KAZN: variants seen among roughly 807,000 people sequenced by gnomAD.
KAZN encodes the protein kazrin, periplakin interacting protein.
In KAZN, 40 loss-of-function variants were observed where a neutral mutation model predicts 87.4. That is an observed-to-expected ratio of 0.46 (90% CI 0.36 to 0.60). KAZN has a LOEUF of 0.60. Among genes scored for constraint, KAZN ranks in the 20% least tolerant of loss-of-function variants. KAZN has a pLI of 0.00. For synonymous variants in KAZN, 466 were observed against 458.3 expected, an observed-to-expected ratio of 1.02 and a Z score of -0.22; for missense variants, 898 against 1,073.9, an observed-to-expected ratio of 0.84 and a Z score of 2.29.
chr1:14,811,249 T>C (rs1449818683), intron 1 of KAZN, among the ~76,000 whole-genome samples: 2 of 144,774 alleles, frequency 1.4e-5, no homozygotes, highest in Non-Finnish European at 3.0e-5. Context: ...TTGTGGTATT[T>C]ATGTGTTTAT....
At position 14,106,176 on chromosome 1, in the gene KAZN, A is replaced by G. The variant is rs1301803535; in HGVS notation, c.92-74259A>G. On this transcript the variant is annotated intron_variant, in intron 1 of 16. Coordinates refer to the KAZN transcript ENST00000636203. Reference sequence around the variant, plus strand: ...CAGGCAGAAAATACCTACACTCTCCATGTTTGGAAATCCAAGGTGTATCTG... The same window carrying G: ...CAGGCAGAAAATACCTACACTCTCCGTGTTTGGAAATCCAAGGTGTATCTG... Among the ~76,000 whole-genome samples, 3 of 152,156 alleles carry G rather than the reference A, an allele frequency of 2.0e-5. No individual in the cohort carries two copies. The East Asian group carries it at 5.8e-4, about 29-fold the overall frequency.
intron 2 of KAZN, among the ~76,000 whole-genome samples, chr1:14,363,892 G>A (rs1193605979): frequency 3.3e-5 from 5 of 151,866 alleles, no homozygotes; most frequent in African/African-American, 7.3e-5. Flanking sequence ...CACCATAAAC[G>A]GTTGTGTATT....
chr1:14,504,452 C>T (rs751613120), intron 2 of KAZN, among the ~76,000 whole-genome samples: 1 of 152,188 alleles, frequency 6.6e-6, no homozygotes, highest in African/African-American at 2.4e-5. Flanking sequence ...GAGAAAGAAG[C>T]TACTGAGTAA....
At chr1:14,528,157 G>A (rs1237600955) in intron 2 of KAZN, among the ~76,000 whole-genome samples, 1 of 151,656 alleles carries the variant, frequency 6.6e-6, no homozygotes, top group Non-Finnish European at 1.5e-5. Context: ...GGCCAACATG[G>A]TGAAACTTCA....
chr1:15,082,841 T>C (rs938669728), intron 8 of KAZN, among the ~76,000 whole-genome samples: 2 of 152,206 alleles, frequency 1.3e-5, no homozygotes, highest in African/African-American at 4.8e-5. Flanking sequence ...TACAGGTGCG[T>C]GCCACCATAC....
At chr1:14,154,468 C>T (rs949962101) in intron 1 of KAZN, among the ~76,000 whole-genome samples, 1 of 152,098 alleles carries the variant, frequency 6.6e-6, no homozygotes, top group African/African-American at 2.4e-5. Context: ...TTCTTCCTTT[C>T]CCATTTGAAT....
chr1:13,973,595 C>T (rs1050032638), intron 1 of KAZN, among the ~76,000 whole-genome samples: 2 of 152,210 alleles, frequency 1.3e-5, no homozygotes, highest in African/African-American at 4.8e-5. Flanking sequence ...ACCAGCTTTC[C>T]AGTGTTTGTA....
At chr1:14,016,591 T>C (rs2101223369) in intron 1 of KAZN, among the ~76,000 whole-genome samples, 1 of 152,292 alleles carries the variant, frequency 6.6e-6, no homozygotes, top group Middle Eastern at 3.4e-3. Context: ...AATTTCAGAA[T>C]ATCTCGGAGG....
rs141562526 is a variant in KAZN at position 14,662,964 on chromosome 1, C to CATATATATATATATATATATATAT, written c.226+63759_226+63760insATATATATATATATATATATATAT. 2.3e-5 allele frequency among the ~76,000 whole-genome samples: 3 copies of CATATATATATATATATATATATAT among 127,962 alleles called. No individual in the cohort carries two copies. In the East Asian group the frequency reaches 6.8e-4, roughly 29 times the overall value. The allele number at this position is 127,962 out of a possible 152,430, so 83.9% of individuals were successfully genotyped here. ...ATGTAAATATATATATATATGCACA[C>CATATATATATATATATATATATAT]ATATATATATATATATATTTTAGAG... On this transcript the variant is annotated intron_variant, in intron 1 of 14. Transcript: ENST00000376030.
intron 8 of KAZN, among the ~76,000 whole-genome samples, chr1:15,078,727 C>G (rs532527117): frequency 2.0e-5 from 3 of 152,144 alleles, no homozygotes; most frequent in African/African-American, 7.2e-5. Context: ...GTCTGCAGCG[C>G]GCATGCTGTT....
At chr1:14,515,848 G>C (rs1210902376) in intron 2 of KAZN, among the ~76,000 whole-genome samples, 1 of 151,940 alleles carries the variant, frequency 6.6e-6, no homozygotes, top group African/African-American at 2.4e-5. Flanking sequence ...AAATGCTTCT[G>C]TTCATGCATT....
At chr1:14,437,633 C>T (rs778227921) in intron 2 of KAZN, among the ~76,000 whole-genome samples, 1 of 152,194 alleles carries the variant, frequency 6.6e-6, no homozygotes, top group African/African-American at 2.4e-5. Context: ...CTCTCCCTTC[C>T]CCTGCCTCCA....
intron 1 of KAZN, among the ~76,000 whole-genome samples, chr1:14,122,776 G>T (rs1644779449): frequency 6.6e-6 from 1 of 152,060 alleles, no homozygotes; most frequent in Admixed American, 6.6e-5. Flanking sequence ...CTTTCCATTT[G>T]CTGTAGATTT....
intron 1 of KAZN, among the ~76,000 whole-genome samples, chr1:14,744,505 A>C (rs1644207505): frequency 6.6e-6 from 1 of 152,048 alleles, no homozygotes; most frequent in Non-Finnish European, 1.5e-5. Flanking sequence ...GAGGTAGGAC[A>C]GTCACTTGAG....
intron 2 of KAZN, among the ~76,000 whole-genome samples, chr1:14,203,810 A>C (rs912396695): frequency 1.3e-5 from 2 of 152,224 alleles, no homozygotes; most frequent in African/African-American, 4.8e-5. Flanking sequence ...GAGTGAAAGA[A>C]TCTTTCAGTA....
intron 1 of KAZN, among the ~76,000 whole-genome samples, chr1:14,630,458 G>A (rs1428827664): frequency 2.0e-5 from 3 of 152,128 alleles, no homozygotes; most frequent in Non-Finnish European, 2.9e-5. Flanking sequence ...AGGCCAAAAC[G>A]GGAGGATCAC....
chr1:14,847,453 T>C (rs572076788), intron 1 of KAZN, among the ~76,000 whole-genome samples: 170 of 152,334 alleles, frequency 1.1e-3, no homozygotes, highest in African/African-American at 3.7e-3. Context: ...AGAAAAGGGA[T>C]TGCAGGCCTG....
chr1:14,927,428 A>C (rs1319079449), intron 1 of KAZN, among the ~76,000 whole-genome samples: 3 of 152,158 alleles, frequency 2.0e-5, no homozygotes, highest in Admixed American at 6.5e-5. Context: ...GGATATGTCC[A>C]GAGATGGTGT....
intron 1 of KAZN, among the ~76,000 whole-genome samples, chr1:14,134,678 T>C (rs1282544627): frequency 4.6e-5 from 7 of 152,276 alleles, no homozygotes; most frequent in Non-Finnish European, 7.4e-5. Context: ...ACAAAAGAGA[T>C]ATTAGCAGCA....
Sources: allele counts gnomAD v4.1 joint callset (sites outside exome capture counted in the v4.1 genomes callset), GRCh38; gene constraint gnomAD v4.1.1; transcripts MANE v1.5; gene names NCBI Gene and HGNC (gene_info 2026-07-23, HGNC 2026-07-21).